The following TTC21B variants were observed in gnomAD, a reference collection of about 807,000 sequenced individuals.
TTC21B encodes the protein tetratricopeptide repeat domain 21B.
Under a neutral mutation model 175.1 loss-of-function variants are expected in TTC21B, and 127 were observed. The ratio of observed to expected loss-of-function variants is 0.73; its 90% CI spans 0.63 to 0.84. The LOEUF (loss-of-function observed/expected upper bound fraction) is 0.84. Among genes scored for constraint, TTC21B ranks in the 40% least tolerant of loss-of-function variants. The pLI, the probability that TTC21B is intolerant of heterozygous loss-of-function variation, is 0.00. For missense variants in TTC21B, 1,561 were observed against 1,558.3 expected (o/e 1.00, Z -0.03); for synonymous variants, 524 against 524.5 (o/e 1.00, Z 0.01).
chr2:165,927,527 TCTC>T (rs1686724315), intron 11 of TTC21B, among the ~76,000 whole-genome samples: 1 of 150,794 alleles, frequency 6.6e-6, no homozygotes, highest in African/African-American at 2.4e-5. Flanking sequence ...ATATTATCTG[TCTC>T]CTCCTGTTGG....
intron 3 of TTC21B, chr2:165,947,288 G>C (rs1163511938): frequency 6.8e-6 from 1 of 147,964 alleles, no homozygotes; most frequent in Admixed American, 6.7e-5. Flanking sequence ...AGAAATGTAA[G>C]TTGCGGCCTG....
chr2:165,919,521 C>T (rs1007960049), intron 12 of TTC21B, 88 bp from the exon 13 acceptor site: 13 of 1,414,872 alleles, frequency 9.2e-6, no homozygotes, highest in Admixed American at 3.6e-5. Context: ...GTTTAGTTTA[C>T]GGATAGCCCT....
intron 19 of TTC21B, among the ~76,000 whole-genome samples, chr2:165,902,193 G>A (rs1244154115): frequency 6.6e-6 from 1 of 152,108 alleles, no homozygotes; most frequent in Non-Finnish European, 1.5e-5. Context: ...AAATACAACC[G>A]TGAAACAAAT....
In TTC21B at chr2:165,874,556, C is replaced by T. The variant is rs1684605151; in HGVS notation, c.*199G>A. On this transcript the variant is annotated 3_prime_UTR_variant, in exon 29 of 29. Coordinates refer to ENST00000243344, the MANE Select transcript of TTC21B (RefSeq NM_024753.5). ...CCCAATCAAAACAGAGTCAAATAGA[C>T]CAGCTCTCATTCAACTCCATTAGGA... is the stretch of plus-strand genomic sequence containing the variant. 8.4e-5 allele frequency: 47 copies of T among 560,276 alleles called. 3 individuals are homozygous for T. The South Asian group carries it at 9.4e-4, about 11-fold the overall frequency. 34.7% of individuals were successfully genotyped at this position (560,276 alleles called of 1,614,324 possible). A position where few individuals can be genotyped will look rare whatever the true frequency, so the allele number is the denominator to read the frequency against.
At chr2:165,936,485 C>T (rs1407056925) in intron 6 of TTC21B, among the ~76,000 whole-genome samples, 1 of 151,980 alleles carries the variant, frequency 6.6e-6, no homozygotes, top group East Asian at 1.9e-4. Flanking sequence ...TTAAAAATTT[C>T]TGCTCTGTGA....
At chr2:165,888,570 T>A (rs1281379831) in intron 24 of TTC21B, 96 bp from the exon 25 acceptor site, 17 of 843,334 alleles carry the variant, frequency 2.0e-5, no homozygotes, top group Non-Finnish European at 3.3e-5. Flanking sequence ...CTCTGGGCAC[T>A]CTTTTATACT....
In TTC21B at chr2:165,888,494, A is replaced by C; in HGVS notation, c.3264-20T>G. 1 of 1,577,572 alleles carries C rather than the reference A, an allele frequency of 6.3e-7. No individual in the cohort carries two copies. The highest frequency in any genetic ancestry group is 8.7e-7 in the Non-Finnish European group (1 of 1,150,644). ...GAATTACTGTATATAATTAAAAATA[A>C]ATCACTTCTGTCTCTTACTCATGAT... is the stretch of plus-strand genomic sequence containing the variant. On this transcript the variant is annotated intron_variant, in intron 24 of 28. Coordinates refer to ENST00000243344, the MANE Select transcript of TTC21B (RefSeq NM_024753.5).
At chr2:165,889,496 CTCTT>C (rs373394328) in intron 24 of TTC21B, among the ~76,000 whole-genome samples, 17 of 152,308 alleles carry the variant, frequency 1.1e-4, no homozygotes, top group South Asian at 6.2e-4. Flanking sequence ...GCTGTGACCT[CTCTT>C]TCTGAGTTTT....
At chr2:165,945,939 CATT>C (rs1687543602) in intron 3 of TTC21B, among the ~76,000 whole-genome samples, 3 of 152,110 alleles carry the variant, frequency 2.0e-5, no homozygotes, top group Non-Finnish European at 4.4e-5. Context: ...TTCAATGCAT[CATT>C]GACATAAAAA....
chr2:165,941,247 G>A (rs1687357537), intron 5 of TTC21B, 63 bp from the exon 6 acceptor site: 4 of 1,543,392 alleles, frequency 2.6e-6, no homozygotes, highest in Non-Finnish European at 3.6e-6. Flanking sequence ...TTCTCATAAC[G>A]CAGAGCAGGC....
At position 165,930,461 on chromosome 2, in the gene TTC21B, C is replaced by T. The variant is rs933578829; in HGVS notation, c.895-97G>A. On this transcript the variant is annotated intron_variant, in intron 8 of 28. Coordinates refer to ENST00000243344, the MANE Select transcript of TTC21B (RefSeq NM_024753.5). ...CTAAATATATATATTATTTGTACTT[C>T]AAAGGAGTGATGAAAAAGAAAAAAA... is the stretch of plus-strand genomic sequence containing the variant. The T allele has an allele frequency of 4.0e-5, 37 of 928,298 alleles. No individual in the cohort carries two copies. The Admixed American group carries it at 9.9e-4, about 25-fold the overall frequency. 57.5% of individuals were successfully genotyped at this position (928,298 alleles called of 1,614,324 possible).
rs149073288 is a variant in TTC21B at position 165,903,453 on chromosome 2, C to G, written c.2569-1543G>C. On this transcript the variant is annotated intron_variant, in intron 19 of 28. Transcript: ENST00000243344. ...ATTTTATCCTAGAGCCCATGGGAAG[C>G]TACTATGCCATGTTTATAGGCATTG... Among the ~76,000 whole-genome samples the G allele has an allele frequency of 4.8e-4, 73 of 152,280 alleles. No homozygotes were observed. The East Asian group carries it at 0.013, about 28-fold the overall frequency.
chr2:165,938,412 A>G (rs1035139391), intron 6 of TTC21B, among the ~76,000 whole-genome samples: 1 of 152,124 alleles, frequency 6.6e-6, no homozygotes, highest in Admixed American at 6.6e-5. Flanking sequence ...TTGAGCATGA[A>G]TAACTGCTGA....
Position 165,949,407 on chromosome 2 carries a change from C to T in TTC21B, c.249G>A (p.Met83Ile). The T allele has an allele frequency of 6.2e-7, 1 of 1,610,534 alleles. No homozygotes were observed. The highest frequency in any genetic ancestry group is 1.1e-5 in the South Asian group (1 of 91,010). Residue 83 changes from methionine to isoleucine, a missense_variant, in exon 3 of 29, where the codon ATG (methionine) becomes ATA (isoleucine). Met to Ile is a conservative substitution (Grantham distance 10, BLOSUM62 1). Transcript: ENST00000243344. ...TAAATATCATACCTGGATTAGGACT[C>T]ATTTTATGGGCATATATCAGTGCAA... ...SLLALIYAHK[M>I]SPNPDREAIL...
chr2:165,896,023 A>T (rs1395440663), intron 22 of TTC21B, among the ~76,000 whole-genome samples: 1 of 152,154 alleles, frequency 6.6e-6, no homozygotes, highest in Non-Finnish European at 1.5e-5. Context: ...AAATTCAAAC[A>T]TCTTTTTATT....
intron 28 of TTC21B, among the ~76,000 whole-genome samples, chr2:165,875,827 T>A (rs3815993): frequency 0.17 from 25,714 of 151,284 alleles, 2,248 homozygotes; most frequent in South Asian, 0.21. Context: ...TTTTTTTTTT[T>A]AAAGTAAAAG....
intron 18 of TTC21B, among the ~76,000 whole-genome samples, chr2:165,909,181 A>G (rs953506385): frequency 2.0e-5 from 3 of 152,164 alleles, no homozygotes; most frequent in Non-Finnish European, 4.4e-5. Context: ...AAATGGCATG[A>G]AAATAAAATT....
rs1191628004 is a variant in TTC21B, at chr2:165,890,465, G to A, written c.3263+14C>T. 1.2e-6 allele frequency: 2 copies of A among 1,612,110 alleles called. No homozygotes were observed. Among genetic ancestry groups the A allele is most frequent in the South Asian group, 1.1e-5 (1 of 91,008 alleles). ...AGTGTTTTTTAAAAAAGGATAATAT[G>A]TCAAATAACTCACCCCAGGTCTCCA... On this transcript the variant is annotated intron_variant, in intron 24 of 28. Transcript: ENST00000243344.
intron 9 of TTC21B, 80 bp from the exon 10 acceptor site, chr2:165,929,827 A>G: frequency 1.1e-6 from 1 of 919,784 alleles, no homozygotes; most frequent in East Asian, 2.4e-5. Flanking sequence ...AACAACATTA[A>G]TAAAACACCC....
Sources: gnomAD v4.1 joint callset for allele counts (sites outside exome capture counted in the v4.1 genomes callset) on GRCh38, gnomAD v4.1.1 for gene constraint, MANE v1.5 for transcripts, NCBI Gene and HGNC (gene_info 2026-07-23, HGNC 2026-07-21) for gene names.